SPOCK1: variants seen among roughly 807,000 people sequenced by gnomAD.
SPOCK1 encodes the protein SPARC (osteonectin), cwcv and kazal like domains proteoglycan 1, also known as testican-1.
In SPOCK1, 23 loss-of-function variants were observed where a neutral mutation model predicts 55.3. The observed-to-expected ratio is 0.42, with a 90% CI of 0.30 to 0.59. SPOCK1 has a LOEUF of 0.59. Ranked by LOEUF, SPOCK1 falls within the 20% of genes least tolerant of loss-of-function variation. The pLI, the probability that SPOCK1 is intolerant of heterozygous loss-of-function variation, is 0.22. For synonymous variants in SPOCK1, 226 were observed against 221.0 expected (o/e 1.02, Z -0.20); for missense variants, 499 against 552.5 (o/e 0.90, Z 0.97).
At chr5:137,093,217 A>G (rs907616280) in intron 5 of SPOCK1, among the ~76,000 whole-genome samples, 1 of 152,196 alleles carries the variant, frequency 6.6e-6, no homozygotes, top group Non-Finnish European at 1.5e-5. Context: ...TGTATTAACC[A>G]TCATGATCCT....
intron 2 of SPOCK1, among the ~76,000 whole-genome samples, chr5:137,415,172 T>A (rs1352818505): frequency 6.6e-6 from 1 of 152,202 alleles, no homozygotes. Context: ...AATAGAGATT[T>A]ATGAATAGTT....
Position 137,453,479 on chromosome 5 carries a change from TATCA to T in SPOCK1, c.186+44890_186+44893del, listed in dbSNP as rs745679029. 3.2e-3 allele frequency among the ~76,000 whole-genome samples: 490 copies of T among 152,196 alleles called. 3 individuals are homozygous for T. The highest frequency in any genetic ancestry group is 5.6e-3 in the Admixed American group (85 of 15,290). On this transcript the variant is annotated intron_variant, in intron 2 of 10. Transcript: ENST00000394945. ...AGACCAAGAAAACTTGGGCCCAAAA[TATCA>T]AGGCACTGAAAGCTAAAACCATTAT...
intron 3 of SPOCK1, among the ~76,000 whole-genome samples, chr5:137,201,539 G>T (rs1755425725): frequency 6.6e-6 from 1 of 152,176 alleles, no homozygotes; most frequent in Non-Finnish European, 1.5e-5. Flanking sequence ...TATTCTCAAT[G>T]CTAATATAAA....
At chr5:137,357,786 G>T (rs955434420) in intron 2 of SPOCK1, among the ~76,000 whole-genome samples, 3 of 152,208 alleles carry the variant, frequency 2.0e-5, no homozygotes, top group Non-Finnish European at 4.4e-5. Flanking sequence ...AAGTTGGAAG[G>T]AAATGGAACT....
chr5:137,403,172 C>T (rs762842597), intron 2 of SPOCK1, among the ~76,000 whole-genome samples: 3 of 152,204 alleles, frequency 2.0e-5, no homozygotes, highest in East Asian at 1.9e-4. Flanking sequence ...GAGACCACTA[C>T]GGAAGATGAT....
chr5:137,233,594 T>C (rs2127095273), intron 3 of SPOCK1, among the ~76,000 whole-genome samples: 1 of 152,206 alleles, frequency 6.6e-6, no homozygotes, highest in African/African-American at 2.4e-5. Context: ...GCCTGGGGAC[T>C]GGGGACCCCT....
intron 2 of SPOCK1, among the ~76,000 whole-genome samples, chr5:137,321,332 G>A (rs1472700622): frequency 6.6e-6 from 1 of 151,784 alleles, no homozygotes; most frequent in Non-Finnish European, 1.5e-5. Flanking sequence ...AATAATAATG[G>A]CTCTGGTAAA....
chr5:137,366,488 A>T (rs1362997924), intron 2 of SPOCK1, among the ~76,000 whole-genome samples: 6 of 152,138 alleles, frequency 3.9e-5, no homozygotes, highest in Admixed American at 3.9e-4. Flanking sequence ...CCCACCAAAA[A>T]GTGACAGAGC....
chr5:137,426,364 A>G (rs1002457625), intron 2 of SPOCK1, among the ~76,000 whole-genome samples: 3 of 152,220 alleles, frequency 2.0e-5, no homozygotes, highest in Non-Finnish European at 4.4e-5. Flanking sequence ...AATTCTGGAC[A>G]CCCAATGTGA....
chr5:137,374,256 A>T (rs1751264754), intron 2 of SPOCK1, among the ~76,000 whole-genome samples: 1 of 152,274 alleles, frequency 6.6e-6, no homozygotes, highest in African/African-American at 2.4e-5. Flanking sequence ...AAGTAGCTCC[A>T]TTCTTCACAT....
At chr5:137,426,669 C>G (rs1221993854) in intron 2 of SPOCK1, among the ~76,000 whole-genome samples, 1 of 152,166 alleles carries the variant, frequency 6.6e-6, no homozygotes, top group Non-Finnish European at 1.5e-5. Flanking sequence ...TTGCTCTAAC[C>G]TATGGGTGAC....
At chr5:137,075,433 A>G (rs2127010363) in intron 5 of SPOCK1, among the ~76,000 whole-genome samples, 2 of 152,254 alleles carry the variant, frequency 1.3e-5, no homozygotes, top group Non-Finnish European at 2.9e-5. Flanking sequence ...GCTGGCTTAC[A>G]CCTGGTAAAG....
At chr5:137,454,518 G>A (rs1753323592) in intron 2 of SPOCK1, among the ~76,000 whole-genome samples, 1 of 152,184 alleles carries the variant, frequency 6.6e-6, no homozygotes, top group Non-Finnish European at 1.5e-5. Flanking sequence ...GAGGCTGGAG[G>A]GGAGGGGGGA....
Position 137,140,713 on chromosome 5 carries a change from G to A in SPOCK1, c.233-19C>T. ...TCCAGGGCTGAGGCAAAAACAAGAA[G>A]GAGGGCAGGGTTTAGGACCTCCAGG... On this transcript the variant is annotated intron_variant, in intron 3 of 10. Transcript: ENST00000394945. 1 of 1,509,892 alleles carries A rather than the reference G, an allele frequency of 6.6e-7. No individual in the cohort carries two copies. The highest frequency in any genetic ancestry group is 9.0e-7 in the Non-Finnish European group (1 of 1,110,130). 93.5% of individuals were successfully genotyped at this position (1,509,892 alleles called of 1,614,324 possible).
chr5:137,307,565 G>A (rs1757719371), intron 2 of SPOCK1, among the ~76,000 whole-genome samples: 1 of 152,218 alleles, frequency 6.6e-6, no homozygotes, highest in African/African-American at 2.4e-5. Context: ...GTTTGCAAAA[G>A]TTGTCTAGCA....
At chr5:137,372,830 C>T (rs6596372) in intron 2 of SPOCK1, among the ~76,000 whole-genome samples, 3 of 152,212 alleles carry the variant, frequency 2.0e-5, no homozygotes. Context: ...GGTGAGCGGC[C>T]ACTCTCCGCC....
At chr5:137,475,812 C>T (rs1232530133) in intron 2 of SPOCK1, among the ~76,000 whole-genome samples, 1 of 152,050 alleles carries the variant, frequency 6.6e-6, no homozygotes, top group Non-Finnish European at 1.5e-5. Context: ...TGGCCTCAAA[C>T]AATCTTCCTG....
chr5:137,128,601 G>T (rs573417484), intron 4 of SPOCK1, among the ~76,000 whole-genome samples: 1 of 152,348 alleles, frequency 6.6e-6, no homozygotes, highest in East Asian at 1.9e-4. Flanking sequence ...CAGCTTGAGG[G>T]CAGAGTGGCT....
intron 3 of SPOCK1, among the ~76,000 whole-genome samples, chr5:137,167,450 C>T (rs1434463884): frequency 1.3e-5 from 2 of 150,528 alleles, no homozygotes; most frequent in East Asian, 4.0e-4. Context: ...ACTTAATCTG[C>T]ACTATAGACC....
Sources: gnomAD v4.1 joint callset for allele counts (sites outside exome capture counted in the v4.1 genomes callset) on GRCh38, gnomAD v4.1.1 for gene constraint, MANE v1.5 for transcripts, NCBI Gene and HGNC (gene_info 2026-07-23, HGNC 2026-07-21) for gene names.